TERB1: variants seen among roughly 807,000 people sequenced by gnomAD.
TERB1 encodes the protein telomere repeats-binding bouquet formation protein 1.
A neutral mutation model predicts 92.3 loss-of-function variants in TERB1; 63 were observed. The observed-to-expected ratio is 0.68, with a 90% CI of 0.56 to 0.84. The LOEUF is 0.84. TERB1 is among the 40% of genes least tolerant of loss of function. The probability of loss-of-function intolerance (pLI) is 0.00; values close to 1 mark genes in which losing one functional copy is unlikely to be tolerated. For missense variants in TERB1, 709 were observed against 843.7 expected (o/e 0.84, Z 1.98); for synonymous variants, 252 against 283.9 (o/e 0.89, Z 1.13).
chr16:66,792,962 G>A (rs1301797485), intron 3 of TERB1, among the ~76,000 whole-genome samples: 1 of 151,640 alleles, frequency 6.6e-6, no homozygotes. Context: ...CACTACTGTA[G>A]ACTTTATACT....
intron 10 of TERB1, 25 bp from the exon 11 acceptor site, chr16:66,777,359 AG>A: frequency 3.4e-6 from 5 of 1,461,498 alleles, no homozygotes; most frequent in Non-Finnish European, 3.7e-6. Flanking sequence ...TAGGAAAAAA[AG>A]ATAGTACAAA....
intron 3 of TERB1, 83 bp from the exon 4 acceptor site, chr16:66,791,102 A>G: frequency 1.5e-6 from 1 of 654,972 alleles, no homozygotes; most frequent in Non-Finnish European, 2.5e-6. Context: ...CTAAATACAT[A>G]TCTTTGGAAT....
At chr16:66,774,691 T>C (rs999765963) in intron 12 of TERB1, among the ~76,000 whole-genome samples, 7 of 151,046 alleles carry the variant, frequency 4.6e-5, no homozygotes, top group Non-Finnish European at 5.9e-5. Context: ...TTCTTTTTTT[T>C]TTTTTTTTTG....
chr16:66,788,813 C>T (rs1242459951), intron 5 of TERB1, among the ~76,000 whole-genome samples: 1 of 151,776 alleles, frequency 6.6e-6, no homozygotes, highest in Non-Finnish European at 1.5e-5. Flanking sequence ...ATAATATAGA[C>T]ATAAAGATAC....
chr16:66,775,859 C>T (rs960417439), intron 11 of TERB1, among the ~76,000 whole-genome samples: 6 of 151,468 alleles, frequency 4.0e-5, no homozygotes, highest in African/African-American at 9.7e-5. Flanking sequence ...TACAGGCACA[C>T]GCCACCATGC....
chr16:66,798,301 T>C (rs1334563908), intron 2 of TERB1, among the ~76,000 whole-genome samples: 1 of 152,006 alleles, frequency 6.6e-6, no homozygotes, highest in African/African-American at 2.4e-5. Context: ...TGCCTCAGCA[T>C]TCCGAGTAGC....
chr16:66,794,916 A>ACACACACACACAC (rs1182336404), intron 3 of TERB1, among the ~76,000 whole-genome samples: 1 of 90,970 alleles, frequency 1.1e-5, no homozygotes, highest in Admixed American at 1.4e-4. Flanking sequence ...TCTCAAAAAA[A>ACACACACACACAC]AAAAAAACAC....
intron 3 of TERB1, among the ~76,000 whole-genome samples, chr16:66,792,128 T>TA (rs1273695582): frequency 2.0e-5 from 3 of 152,054 alleles, no homozygotes; most frequent in African/African-American, 4.8e-5. Context: ...ATTTATGATT[T>TA]AAAAAAAATC....
chr16:66,767,710 A>G (rs911926531), intron 15 of TERB1, among the ~76,000 whole-genome samples, 200 bp from the exon 16 acceptor site: 2 of 152,036 alleles, frequency 1.3e-5, no homozygotes, highest in Admixed American at 6.6e-5. Flanking sequence ...CTTATGCTTT[A>G]GAGGGCCAAT....
chr16:66,766,960 G>A (rs1040733846), intron 16 of TERB1, among the ~76,000 whole-genome samples: 2 of 152,072 alleles, frequency 1.3e-5, no homozygotes, highest in African/African-American at 4.8e-5. Flanking sequence ...ATATTAATTT[G>A]AATGCTTTGA....
chr16:66,781,889 C>T (rs553881681), intron 9 of TERB1, among the ~76,000 whole-genome samples: 118 of 152,236 alleles, frequency 7.8e-4, no homozygotes, highest in Admixed American at 1.3e-3. Flanking sequence ...ATCCTCATAG[C>T]AAGCTCTTCC....
In TERB1 at chr16:66,770,077, T is replaced by C. The variant is rs867668750; in HGVS notation, c.1505A>G (p.His502Arg). Residue 502 changes from histidine to arginine, a missense_variant, in exon 14 of 19, where the codon CAT (histidine) becomes CGT (arginine). Coordinates refer to ENST00000433154, the MANE Select transcript of TERB1 (RefSeq NM_001136505.2). ...KTPLKSANPV[H>R]ACYRESEQNK... is the part of the protein sequence containing the mutation. ...TTGCTCACTCTCCCTGTAACAAGCA[T>C]GGACTGGATTTGCGCTCTTTAACGG... 1 of 1,551,986 alleles carries C rather than the reference T, an allele frequency of 6.4e-7. No individual in the cohort carries two copies. Among genetic ancestry groups the C allele is most frequent in the Admixed American group, 2.0e-5 (1 of 50,998 alleles).
intron 16 of TERB1, among the ~76,000 whole-genome samples, chr16:66,760,058 G>A (rs928264832): frequency 8.0e-5 from 10 of 124,342 alleles, no homozygotes; most frequent in Non-Finnish European, 1.5e-4. Flanking sequence ...GCTTGAACCC[G>A]CCAGGCGGAG....
chr16:66,779,108 T>C, intron 9 of TERB1, 93 bp from the exon 10 acceptor site: 1 of 953,934 alleles, frequency 1.0e-6, no homozygotes, highest in Non-Finnish European at 1.4e-6. Flanking sequence ...AACATTGACC[T>C]TTTCAAATAC....
At chr16:66,785,949 T>G (rs918591259) in intron 8 of TERB1, 41 bp from the exon 9 acceptor site, 3 of 1,529,292 alleles carry the variant, frequency 2.0e-6, no homozygotes, top group Admixed American at 2.1e-5. Context: ...ATATGACAAT[T>G]GGAAAATATC....
intron 11 of TERB1, among the ~76,000 whole-genome samples, chr16:66,776,923 AG>A (rs74664531): frequency 0.51 from 76,758 of 151,688 alleles, 20,275 homozygotes; most frequent in African/African-American, 0.64. Context: ...TATTGGTGAA[AG>A]ATGTTGTGGG....
At chr16:66,756,578 G>A (rs1008937757) in intron 18 of TERB1, among the ~76,000 whole-genome samples, 3 of 152,098 alleles carry the variant, frequency 2.0e-5, no homozygotes, top group Admixed American at 6.6e-5. Context: ...GGAAAACTGT[G>A]GCTATCCAAG....
intron 16 of TERB1, 117 bp downstream of exon 16, chr16:66,767,298 C>T (rs902225337): frequency 6.7e-6 from 4 of 598,546 alleles, no homozygotes; most frequent in African/African-American, 2.0e-5. Context: ...AAGATCGCGC[C>T]ACTGCACTCC....
intron 14 of TERB1, 98 bp downstream of exon 14, chr16:66,769,865 C>A: frequency 1.2e-6 from 1 of 853,090 alleles, no homozygotes; most frequent in Non-Finnish European, 1.8e-6. Flanking sequence ...TTCATCATGT[C>A]ACTTCTACAT....
Sources: allele counts gnomAD v4.1 joint callset (sites outside exome capture counted in the v4.1 genomes callset), GRCh38; gene constraint gnomAD v4.1.1; transcripts MANE v1.5; gene names NCBI Gene and HGNC (gene_info 2026-07-23, HGNC 2026-07-21).